Variants in GLI3 observed in about 807,000 individuals in gnomAD.
GLI3 encodes GLI family zinc finger 3.
GLI3 carries 20 observed loss-of-function variants against 100.8 expected under a neutral mutation model. That is an observed-to-expected ratio of 0.20 (90% CI 0.14 to 0.29). The LOEUF is 0.29. GLI3 is among the 10% of genes least tolerant of loss of function. GLI3 has a pLI of 1.00. For synonymous variants in GLI3, 938 were observed against 860.5 expected (o/e 1.09, Z -1.58); for missense variants, 2,040 against 2,128.5 (o/e 0.96, Z 0.82).
chr7:42,181,046 T>TA (rs1396863388), intron 2 of GLI3, among the ~76,000 whole-genome samples: 1 of 152,190 alleles, frequency 6.6e-6, no homozygotes, highest in East Asian at 1.9e-4. Context: ...AACTCTGCAA[T>TA]AGTAGGGCTA....
chr7:41,967,556 A>G, intron 14 of GLI3, 40 bp downstream of exon 14: 1 of 1,456,234 alleles, frequency 6.9e-7, no homozygotes, highest in Non-Finnish European at 9.5e-7. Flanking sequence ...GAACAGAAAA[A>G]AAAACCCTGA....
chr7:42,107,567 G>A (rs1785605366), intron 3 of GLI3, among the ~76,000 whole-genome samples: 2 of 152,198 alleles, frequency 1.3e-5, no homozygotes, highest in African/African-American at 2.4e-5. Context: ...GAGGGCAGGC[G>A]ATGCAGAGGG....
intron 3 of GLI3, chr7:42,113,476 G>T: frequency 1.3e-6 from 1 of 786,884 alleles, no homozygotes; most frequent in Non-Finnish European, 2.3e-6. Flanking sequence ...TCCAAAGCCA[G>T]AGCAAGCCTA....
rs576874704 is a variant in GLI3 at position 41,997,964 on chromosome 7, T to A, written c.1498-19216A>T. 2.2e-3 allele frequency among the ~76,000 whole-genome samples: 340 copies of A among 152,324 alleles called. 3 individuals carry two copies. Among genetic ancestry groups the A allele is most frequent in the Non-Finnish European group, 4.3e-3 (293 of 68,024 alleles). On this transcript the variant is annotated intron_variant, in intron 10 of 14. Coordinates refer to ENST00000395925, the MANE Select transcript of GLI3 (RefSeq NM_000168.6). ...TGCTCTACGTCAGAGGAGGGAAGCT[T>A]CTGCTCTAGGGCAGAAGACATCTCC...
Position 42,037,782 on chromosome 7 carries a change from C to T in GLI3, c.1028+2256G>A, listed in dbSNP as rs571699053. Reference sequence around the variant, plus strand: ...GAGTTGTGGTATAGCTCCTTGGAGACGAAATGGGCAATGATGATTTCAAGT... The same window carrying T: ...GAGTTGTGGTATAGCTCCTTGGAGATGAAATGGGCAATGATGATTTCAAGT... On this transcript the variant is annotated intron_variant, in intron 7 of 14. Coordinates refer to ENST00000395925, the MANE Select transcript of GLI3 (RefSeq NM_000168.6). 4.6e-5 allele frequency among the ~76,000 whole-genome samples: 7 copies of T among 152,178 alleles called. No individual in the cohort carries two copies. The East Asian group carries it at 5.8e-4, about 13-fold the overall frequency.
At chr7:42,040,861 G>A (rs1784121427) in intron 6 of GLI3, among the ~76,000 whole-genome samples, 3 of 152,162 alleles carry the variant, frequency 2.0e-5, no homozygotes, top group Admixed American at 6.5e-5. Flanking sequence ...AACATCTGAA[G>A]ACATTCTGGT....
chr7:42,251,453 C>T (rs1412901690), intron 1 of GLI3, among the ~76,000 whole-genome samples: 1 of 152,176 alleles, frequency 6.6e-6, no homozygotes, highest in Non-Finnish European at 1.5e-5. Flanking sequence ...TCACCTCCTG[C>T]TGTGCAGCTG....
chr7:42,022,511 A>T (rs771708026), intron 10 of GLI3, among the ~76,000 whole-genome samples: 62 of 152,354 alleles, frequency 4.1e-4, no homozygotes, highest in Middle Eastern at 6.8e-3. Context: ...GAGAGAGAGC[A>T]GGAGGAGGGG....
chr7:41,991,168 C>T (rs776280488), intron 10 of GLI3, among the ~76,000 whole-genome samples: 1 of 152,180 alleles, frequency 6.6e-6, no homozygotes, highest in African/African-American at 2.4e-5. Flanking sequence ...GAAACGAATA[C>T]TGTCTAAAAA....
intron 2 of GLI3, among the ~76,000 whole-genome samples, chr7:42,214,185 T>C (rs1257923689): frequency 6.6e-6 from 1 of 152,146 alleles, no homozygotes; most frequent in African/African-American, 2.4e-5. Flanking sequence ...GACGGCAGAT[T>C]TATTCAGTCA....
At chr7:41,976,466 T>C (rs999241179) in intron 12 of GLI3, among the ~76,000 whole-genome samples, 2 of 152,188 alleles carry the variant, frequency 1.3e-5, no homozygotes, top group Non-Finnish European at 2.9e-5. Context: ...GTGAGAACCA[T>C]CTTTGCCACC....
intron 3 of GLI3, among the ~76,000 whole-genome samples, chr7:42,123,504 C>T (rs1015632165): frequency 1.7e-4 from 26 of 152,236 alleles, no homozygotes; most frequent in Admixed American, 5.2e-4. Context: ...GATACAAAAA[C>T]GTAATTATAC....
At chr7:41,979,309 G>C (rs1787593461) in intron 10 of GLI3, among the ~76,000 whole-genome samples, 1 of 152,240 alleles carries the variant, frequency 6.6e-6, no homozygotes, top group African/African-American at 2.4e-5. Flanking sequence ...ACTGCTTCCT[G>C]AATAAGAATT....
At chr7:42,050,776 T>C (rs1164019256) in intron 4 of GLI3, among the ~76,000 whole-genome samples, 5 of 152,224 alleles carry the variant, frequency 3.3e-5, no homozygotes, top group Non-Finnish European at 7.3e-5. Flanking sequence ...CTTACTGGCT[T>C]TTCTTGATTT....
intron 3 of GLI3, among the ~76,000 whole-genome samples, chr7:42,077,161 AGAG>A (rs1336002776): frequency 1.3e-5 from 2 of 152,188 alleles, no homozygotes; most frequent in African/African-American, 4.8e-5. Flanking sequence ...CAGGCTGACC[AGAG>A]GAGAAGGGCT....
chr7:42,150,354 T>G (rs1786824684), intron 2 of GLI3, among the ~76,000 whole-genome samples: 1 of 152,194 alleles, frequency 6.6e-6, no homozygotes, highest in Admixed American at 6.5e-5. Flanking sequence ...AGGTCACCCT[T>G]GTACTTCATT....
chr7:41,975,880 A>G (rs1270122113), intron 12 of GLI3, among the ~76,000 whole-genome samples: 3 of 151,538 alleles, frequency 2.0e-5, no homozygotes, highest in African/African-American at 7.2e-5. Flanking sequence ...AATTACACTT[A>G]AATCTATGAA....
At chr7:42,091,528 A>G (rs924163481) in intron 3 of GLI3, among the ~76,000 whole-genome samples, 4 of 152,278 alleles carry the variant, frequency 2.6e-5, no homozygotes, top group South Asian at 2.1e-4. Flanking sequence ...GGGCCTGCGC[A>G]CACTGTGCTA....
intron 7 of GLI3, among the ~76,000 whole-genome samples, chr7:42,039,663 C>A (rs1784090012): frequency 6.6e-6 from 1 of 152,092 alleles, no homozygotes; most frequent in South Asian, 2.1e-4. Context: ...TATTTTTGTT[C>A]ATGTTCTGTA....
Sources: allele counts gnomAD v4.1 joint callset (sites outside exome capture counted in the v4.1 genomes callset), GRCh38; gene constraint gnomAD v4.1.1; transcripts MANE v1.5; gene names NCBI Gene and HGNC (gene_info 2026-07-23, HGNC 2026-07-21).